MYOF: variants seen among roughly 807,000 people sequenced by gnomAD.
MYOF encodes the protein myoferlin.
In MYOF, 244 loss-of-function variants were observed where a neutral mutation model predicts 284.2. That is an observed-to-expected ratio of 0.86 (90% confidence interval 0.77 to 0.95). MYOF has a LOEUF of 0.95. MYOF is among the 40% of genes least tolerant of loss of function. The pLI is 0.00. For synonymous variants in MYOF, 904 were observed against 919.7 expected, an observed-to-expected ratio of 0.98 and a Z score of 0.31; for missense variants, 2,496 against 2,560.6, an observed-to-expected ratio of 0.97 and a Z score of 0.54.
intron 30 of MYOF, among the ~76,000 whole-genome samples, chr10:93,356,076 G>A (rs1844789393): frequency 6.6e-6 from 1 of 152,168 alleles, no homozygotes; most frequent in Admixed American, 6.5e-5. Context: ...AAGAGCAGCA[G>A]CAGCAGAATA....
intron 1 of MYOF, among the ~76,000 whole-genome samples, chr10:93,462,242 A>T (rs1315273668): frequency 6.6e-6 from 1 of 151,850 alleles, no homozygotes; most frequent in Non-Finnish European, 1.5e-5. Context: ...GCTAATTTTT[A>T]TATTTTTAGT....
At chr10:93,330,248 T>C (rs1843240033) in intron 43 of MYOF, among the ~76,000 whole-genome samples, 1 of 152,144 alleles carries the variant, frequency 6.6e-6, no homozygotes, top group South Asian at 2.1e-4. Flanking sequence ...CCAATGCCAG[T>C]ATAATAATAA....
At chr10:93,381,491 T>A (rs1846109925) in intron 19 of MYOF, 95 bp from the exon 20 acceptor site, 1 of 1,237,450 alleles carries the variant, frequency 8.1e-7, no homozygotes, top group Non-Finnish European at 1.1e-6. Context: ...ACCTAATAAT[T>A]AGTGCTGAAT....
At chr10:93,417,798 G>A (rs1261672017) in intron 5 of MYOF, among the ~76,000 whole-genome samples, 3 of 152,036 alleles carry the variant, frequency 2.0e-5, no homozygotes, top group Non-Finnish European at 4.4e-5. Flanking sequence ...ACCCTGGCTG[G>A]ACTGGGATCC....
At chr10:93,414,357 C>G (rs1054887525) in intron 5 of MYOF, among the ~76,000 whole-genome samples, 4 of 152,068 alleles carry the variant, frequency 2.6e-5, no homozygotes, top group African/African-American at 9.7e-5. Context: ...GTCAACATGG[C>G]AAAGCCCCGT....
At chr10:93,457,073 G>T in intron 1 of MYOF, 136 bp from the exon 2 acceptor site, 1 of 627,624 alleles carries the variant, frequency 1.6e-6, no homozygotes, top group Non-Finnish European at 2.7e-6. Context: ...TAGGATGGGT[G>T]TTTACCTGAA....
At chr10:93,334,909 C>T (rs1240540508) in intron 41 of MYOF, among the ~76,000 whole-genome samples, 8 of 152,150 alleles carry the variant, frequency 5.3e-5, no homozygotes, top group Admixed American at 2.0e-4. Context: ...ATCATCCTCT[C>T]GTCCCTTAGC....
At chr10:93,411,604 G>T (rs1246320538) in intron 5 of MYOF, among the ~76,000 whole-genome samples, 1 of 152,182 alleles carries the variant, frequency 6.6e-6, no homozygotes, top group Admixed American at 6.5e-5. Context: ...ATGGGGCACT[G>T]GAGCAGTCCA....
Position 93,313,156 on chromosome 10 carries a change from T to C in MYOF, c.5753A>G (p.Lys1918Arg). The C allele has an allele frequency of 6.2e-7, 1 of 1,614,042 alleles. No homozygotes were observed. The highest frequency in any genetic ancestry group is 1.3e-5 in the African/African-American group (1 of 75,028). Residue 1918 changes from lysine (K) to arginine (R), a missense_variant, in exon 51 of 54, where the codon AAA becomes AGA. Around this residue, in one of 3 missense-constraint regions of MYOF, gnomAD observed 2,436 missense variants for 2,480.7 expected, o/e 0.98. Coordinates refer to ENST00000359263, the MANE Select transcript of MYOF (RefSeq NM_013451.4). ...GTCCGGAATCATGTCCAATCTGCAT[T>C]TCTCTGGTGATTTTGCAGGAATGAT... is the stretch of plus-strand genomic sequence containing the variant. Reference protein sequence around the residue: ...HTIIPAKSPEKCRLDMIPDLK... With the variant: ...HTIIPAKSPERCRLDMIPDLK...
At position 93,361,466 on chromosome 10, in the gene MYOF, G is replaced by C; in HGVS notation, c.2960C>G (p.Ala987Gly). The change falls in exon 28 of 54, where the codon GCG (alanine) becomes GGG (glycine). Residue 987 changes from alanine to glycine, a missense_variant. Coordinates refer to ENST00000359263, the MANE Select transcript of MYOF (RefSeq NM_013451.4). ...TACAATGTTACCTTTCTCATCCACC[G>C]CTCGATTTATGTCATAAGACCATGC... ...DDAWSYDINR[A>G]VDEKGWEYGI... 6.2e-7 allele frequency: 1 copy of C among 1,613,984 alleles called. No individual in the cohort carries two copies. Among genetic ancestry groups the C allele is most frequent in the Non-Finnish European group, 8.5e-7 (1 of 1,179,928 alleles).
At chr10:93,322,995 TGG>T in intron 48 of MYOF, 81 bp downstream of exon 48, 1 of 1,321,788 alleles carries the variant, frequency 7.6e-7, no homozygotes, top group Non-Finnish European at 1.1e-6. Context: ...AATCCTATCT[TGG>T]GCATATTCAG....
chr10:93,356,568 T>C, intron 30 of MYOF, 107 bp downstream of exon 30: 1 of 1,227,068 alleles, frequency 8.1e-7, no homozygotes, highest in Non-Finnish European at 1.1e-6. Flanking sequence ...TGCCATCTTA[T>C]AGTACCAGGG....
intron 46 of MYOF, chr10:93,323,764 T>C (rs1321034676): frequency 5.7e-6 from 1 of 174,584 alleles, no homozygotes; most frequent in African/African-American, 2.4e-5. Flanking sequence ...ATTGGGTCCT[T>C]CGCCTTTAGC....
At chr10:93,327,276 T>C (rs1843092997) in intron 45 of MYOF, among the ~76,000 whole-genome samples, 1 of 152,048 alleles carries the variant, frequency 6.6e-6, no homozygotes, top group African/African-American at 2.4e-5. Context: ...CGAGCAGGGC[T>C]TTCAGATGAC....
chr10:93,329,707 A>G lies in MYOF; in HGVS notation c.4939T>C (p.Ser1647Pro), dbSNP rs1355049988. ...ATGCCGCAGTGGGACCCAAAGCGGG[A>G]AAGGAATCGGTTTTCCAGATCAATA... is the stretch of plus-strand genomic sequence containing the variant. ...TIIDLENRFL[S>P]RFGSHCGIPE... The change falls in exon 44 of 54, where the codon TCC becomes CCC. Residue 1647 changes from serine to proline, a missense_variant. Transcript: ENST00000359263. The G allele has an allele frequency of 6.2e-7, 1 of 1,614,234 alleles. No individual in the cohort carries two copies. The highest frequency in any genetic ancestry group is 8.5e-7 in the Non-Finnish European group (1 of 1,180,044).
intron 31 of MYOF, among the ~76,000 whole-genome samples, chr10:93,354,908 T>C (rs887259596): frequency 6.6e-6 from 1 of 152,258 alleles, no homozygotes; most frequent in Non-Finnish European, 1.5e-5. Flanking sequence ...AGTTATAATA[T>C]GTACAGGTCC....
chr10:93,481,989 A>G, intron 1 of MYOF, 118 bp downstream of exon 1: 2 of 961,602 alleles, frequency 2.1e-6, no homozygotes, highest in Non-Finnish European at 3.2e-6. Flanking sequence ...CAGGTAACAA[A>G]CGCTGCTGGA....
chr10:93,364,236 C>T lies in MYOF; in HGVS notation c.2754-161G>A, dbSNP rs185429554. Among the ~76,000 whole-genome samples the T allele has an allele frequency of 3.9e-5, 6 of 152,334 alleles. No individual in the cohort carries two copies. In the East Asian group the frequency reaches 7.7e-4, roughly 20 times the overall value. ...ACTCCAAATTCCTCTTTGTACTAAT[C>T]GCTTTTGACATTCCTTTGAAGAAAG... On this transcript the variant is annotated intron_variant, in intron 26 of 53. Transcript: ENST00000359263.
At chr10:93,393,719 A>G (rs148172326) in intron 16 of MYOF, among the ~76,000 whole-genome samples, 1 of 152,332 alleles carries the variant, frequency 6.6e-6, no homozygotes, top group African/African-American at 2.4e-5. Context: ...GATTCCATCT[A>G]TAGTCATATT....
Sources: gnomAD v4.1 joint callset for allele counts (sites outside exome capture counted in the v4.1 genomes callset) on GRCh38, gnomAD v4.1.1 for gene constraint, gnomAD v4.1.1 regional missense constraint, MANE v1.5 for transcripts, NCBI Gene and HGNC (gene_info 2026-07-23, HGNC 2026-07-21) for gene names.